CDH12: variants seen among roughly 807,000 people sequenced by gnomAD.
CDH12 encodes the protein cadherin 12, also known as cadherin-12.
CDH12 carries 41 observed loss-of-function variants against 74.1 expected under a neutral mutation model. The ratio of observed to expected loss-of-function variants is 0.55; its 90% CI spans 0.43 to 0.72. CDH12 has a LOEUF of 0.72. Ranked by LOEUF, CDH12 falls within the 30% of genes least tolerant of loss-of-function variation. The pLI is 0.00. For missense variants in CDH12, 945 were observed against 977.2 expected (o/e 0.97, Z 0.44); for synonymous variants, 399 against 355.0 (o/e 1.12, Z -1.39).
chr5:22,446,288 C>T (rs1196143796), intron 2 of CDH12, among the ~76,000 whole-genome samples: 1 of 152,126 alleles, frequency 6.6e-6, no homozygotes, highest in Non-Finnish European at 1.5e-5. Flanking sequence ...TCAATCCCCA[C>T]ACCCCTAACT....
At chr5:22,550,929 T>C (rs772174858) in intron 1 of CDH12, among the ~76,000 whole-genome samples, 9 of 152,186 alleles carry the variant, frequency 5.9e-5, no homozygotes, top group Non-Finnish European at 1.3e-4. Flanking sequence ...GCTTGGGTGA[T>C]AATTGCACCT....
chr5:22,785,535 T>G (rs1249246471), intron 1 of CDH12, among the ~76,000 whole-genome samples: 4 of 152,170 alleles, frequency 2.6e-5, no homozygotes, highest in Non-Finnish European at 4.4e-5. Context: ...TATTTATTTA[T>G]TTGAGACAAG....
intron 2 of CDH12, among the ~76,000 whole-genome samples, chr5:22,499,829 T>C (rs1411002479): frequency 3.3e-5 from 5 of 152,114 alleles, no homozygotes; most frequent in Non-Finnish European, 7.4e-5. Flanking sequence ...AACGAAAATA[T>C]ATTCCAATGC....
intron 2 of CDH12, among the ~76,000 whole-genome samples, chr5:22,407,601 C>A (rs1048789821): frequency 6.6e-6 from 1 of 152,024 alleles, no homozygotes; most frequent in African/African-American, 2.4e-5. Context: ...CCATGGCTCT[C>A]TGCATGAGCC....
At chr5:21,885,608 G>A (rs1289558820) in intron 6 of CDH12, among the ~76,000 whole-genome samples, 1 of 152,172 alleles carries the variant, frequency 6.6e-6, no homozygotes, top group Non-Finnish European at 1.5e-5. Context: ...AGTTGCACTT[G>A]TGTATTGATT....
intron 1 of CDH12, among the ~76,000 whole-genome samples, chr5:22,522,451 T>C (rs1316658337): frequency 6.6e-6 from 1 of 152,212 alleles, no homozygotes; most frequent in Non-Finnish European, 1.5e-5. Flanking sequence ...GGGAAAATTG[T>C]TGTTATTTGC....
At chr5:22,468,792 C>A (rs1455688386) in intron 2 of CDH12, among the ~76,000 whole-genome samples, 1 of 152,032 alleles carries the variant, frequency 6.6e-6, no homozygotes, top group Non-Finnish European at 1.5e-5. Flanking sequence ...TAGAAAAAGA[C>A]ATAAATGTGG....
At chr5:22,666,515 C>T (rs7713722) in intron 1 of CDH12, among the ~76,000 whole-genome samples, 17,399 of 151,846 alleles carry the variant, frequency 0.11, 1,295 homozygotes, top group Admixed American at 0.2. Flanking sequence ...TGGTCTCGAT[C>T]TCCTGACCTC....
chr5:22,819,960 C>CACATATATATACATAT (rs1229649140), intron 1 of CDH12, among the ~76,000 whole-genome samples: 74 of 138,962 alleles, frequency 5.3e-4, no homozygotes, highest in Admixed American at 1.0e-3. Context: ...TATATATATA[C>CACATATATATACATAT]ACATATATAT....
chr5:22,013,508 T>G (rs1254890460), intron 5 of CDH12, among the ~76,000 whole-genome samples: 2 of 152,210 alleles, frequency 1.3e-5, no homozygotes, highest in South Asian at 2.1e-4. Flanking sequence ...CATATATAAA[T>G]AGATAAATAG....
intron 1 of CDH12, among the ~76,000 whole-genome samples, chr5:22,711,672 A>C (rs1743294221): frequency 6.6e-6 from 1 of 152,098 alleles, no homozygotes; most frequent in Non-Finnish European, 1.5e-5. Context: ...ATACATATTC[A>C]TAGGAAATTT....
chr5:22,654,747 G>C (rs1259706138), intron 1 of CDH12, among the ~76,000 whole-genome samples: 1 of 151,272 alleles, frequency 6.6e-6, no homozygotes, highest in Non-Finnish European at 1.5e-5. Flanking sequence ...CGGTTCTCTT[G>C]CCTCAGCCTC....
chr5:21,967,153 A>G (rs936369444), intron 6 of CDH12, among the ~76,000 whole-genome samples: 17 of 152,222 alleles, frequency 1.1e-4, no homozygotes, highest in African/African-American at 3.9e-4. Flanking sequence ...GCTGACATCT[A>G]TATGAAATAT....
chr5:22,761,930 AACACAC>A (rs10662625), intron 1 of CDH12, among the ~76,000 whole-genome samples: 3 of 148,986 alleles, frequency 2.0e-5, no homozygotes, highest in African/African-American at 4.9e-5. Flanking sequence ...TAATTTCTCA[AACACAC>A]ACACACACAC....
chr5:22,539,977 C>T (rs1230891638), intron 1 of CDH12, among the ~76,000 whole-genome samples: 1 of 152,118 alleles, frequency 6.6e-6, no homozygotes, highest in Non-Finnish European at 1.5e-5. Context: ...GGATCTTTCT[C>T]TAGTTCTTGT....
intron 3 of CDH12, among the ~76,000 whole-genome samples, chr5:22,343,112 C>T (rs1237970758): frequency 6.6e-6 from 1 of 152,002 alleles, no homozygotes; most frequent in Non-Finnish European, 1.5e-5. Context: ...GCCTCAGCCT[C>T]CCAAAGTGCT....
chr5:22,514,311 A>T (rs1736722687), intron 1 of CDH12, among the ~76,000 whole-genome samples: 2 of 152,162 alleles, frequency 1.3e-5, no homozygotes, highest in African/African-American at 2.4e-5. Context: ...ACAGAAACAC[A>T]TAAACATATT....
chr5:22,460,713 ATTTTTTTTTT>A (rs3039460), intron 2 of CDH12, among the ~76,000 whole-genome samples: 2 of 85,622 alleles, frequency 2.3e-5, no homozygotes, highest in Non-Finnish European at 4.1e-5. Context: ...ATATCTAGCA[ATTTTTTTTTT>A]TTTTTTTTTT....
chr5:21,834,707 G>T lies in CDH12; in HGVS notation c.814+7454C>A, dbSNP rs1368307658. Among the ~76,000 whole-genome samples the T allele has an allele frequency of 8.6e-5, 13 of 151,750 alleles. No individual in the cohort carries two copies. The East Asian group carries it at 2.5e-3, about 29-fold the overall frequency. On this transcript the variant is annotated intron_variant, in intron 8 of 14. Transcript: ENST00000382254. The stretch of plus-strand genomic sequence containing the variant: ...GTATTACTATTTAAAACCTCCACCT[G>T]CTTTCGATTAAGGAAAACCTTACCA...
Sources: allele counts gnomAD v4.1 joint callset (sites outside exome capture counted in the v4.1 genomes callset), GRCh38; gene constraint gnomAD v4.1.1; transcripts MANE v1.5; gene names NCBI Gene and HGNC (gene_info 2026-07-23, HGNC 2026-07-21).